Variants in EXOC4 observed in about 807,000 individuals in gnomAD.
The protein encoded by EXOC4 is exocyst complex component 4.
Under a neutral mutation model 107.2 loss-of-function variants are expected in EXOC4, and 71 were observed. That is an observed-to-expected ratio of 0.66 (90% CI 0.55 to 0.81). The LOEUF is 0.81. EXOC4 is among the 30% of genes least tolerant of loss of function. The pLI is 0.00. For synonymous variants in EXOC4, 456 were observed against 441.2 expected (o/e 1.03, Z -0.42); for missense variants, 1,108 against 1,189.6 (o/e 0.93, Z 1.01).
rs1794901090 is a variant in EXOC4 at position 133,312,676 on chromosome 7, T to TG, written c.657-4602dup. ...CGTGCCATTTTTGTGTTGTGTGACG[T>TG]GGGGGGTGGATGGACAGACACTCAT... On this transcript the variant is annotated intron_variant, in intron 4 of 17. Transcript: ENST00000253861. Among the ~76,000 whole-genome samples, 4 of 151,996 alleles carry TG rather than the reference T, an allele frequency of 2.6e-5. No individual in the cohort carries two copies. In the South Asian group the frequency reaches 8.3e-4, roughly 32 times the overall value.
chr7:134,094,363 G>A, the EXOC4 span, among the ~76,000 whole-genome samples: 1 of 152,122 alleles, frequency 6.6e-6, no homozygotes, highest in Non-Finnish European at 1.5e-5. Context: ...ACTGAATCAG[G>A]AAGAAATTGA....
At chr7:134,069,212 T>TCC (rs1796232333), downstream of EXOC4, among the ~76,000 whole-genome samples, 1 of 108,914 alleles carries the variant, frequency 9.2e-6, no homozygotes, top group Non-Finnish European at 1.8e-5. Context: ...CCAGTTCTTC[T>TCC]TCTTCTTCTC....
intron 17 of EXOC4, among the ~76,000 whole-genome samples, chr7:134,025,318 A>AT (rs2116445991): frequency 6.6e-6 from 1 of 152,226 alleles, no homozygotes; most frequent in Non-Finnish European, 1.5e-5. Flanking sequence ...AAGAGTTTTT[A>AT]TTTTTTAAAG....
In EXOC4 at chr7:134,065,470, G is replaced by T. The variant is rs1796160273; in HGVS notation, c.*942G>T. On this transcript the variant is annotated 3_prime_UTR_variant, in exon 18 of 18. Transcript: ENST00000253861. ...CTCCAGCTGAGCCTGTCTCTGAATT[G>T]TTCCCTCCCCCGCAATGTGGGCACT... is the stretch of plus-strand genomic sequence containing the variant. 6.6e-6 allele frequency: 1 copy of T among 152,254 alleles called. No individual in the cohort carries two copies. Among genetic ancestry groups the T allele is most frequent in the Non-Finnish European group, 1.5e-5 (1 of 68,144 alleles). 9.4% of individuals were successfully genotyped at this position (152,254 alleles called of 1,614,324 possible).
At chr7:133,387,886 A>T (rs920669183) in intron 7 of EXOC4, among the ~76,000 whole-genome samples, 2 of 152,078 alleles carry the variant, frequency 1.3e-5, no homozygotes, top group Non-Finnish European at 2.9e-5. Flanking sequence ...TTCATGGGCA[A>T]AGGGGGACTT....
chr7:133,359,879 G>T (rs1796101003), intron 6 of EXOC4, among the ~76,000 whole-genome samples: 1 of 152,096 alleles, frequency 6.6e-6, no homozygotes, highest in Admixed American at 6.5e-5. Context: ...TTTTGTTTTT[G>T]ATCTCCCAAA....
rs1239273485 is a variant in EXOC4 at position 133,368,788 on chromosome 7, A to G, written c.1008-6040A>G. The stretch of plus-strand genomic sequence containing the variant: ...TGTGGCTTTAGAAATAACTTGTGAG[A>G]GAGGGGTATGTGTGTTATTTTTTTC... On this transcript the variant is annotated intron_variant, in intron 6 of 17. Transcript: ENST00000253861. Among the ~76,000 whole-genome samples, 23 of 152,132 alleles carry G rather than the reference A, an allele frequency of 1.5e-4. 1 individual carries two copies.
intron 9 of EXOC4, among the ~76,000 whole-genome samples, chr7:133,482,476 G>A (rs1397969729): frequency 1.3e-5 from 2 of 152,160 alleles, no homozygotes; most frequent in African/African-American, 4.8e-5. Context: ...TGAGAATGGA[G>A]AGCACTCTGC....
At chr7:133,312,649 T>C (rs1233026881) in intron 4 of EXOC4, among the ~76,000 whole-genome samples, 1 of 152,068 alleles carries the variant, frequency 6.6e-6, no homozygotes, top group African/African-American at 2.4e-5. Context: ...AAAAGGAGCA[T>C]GCGTGCCATT....
chr7:133,614,786 T>C (rs1802150037), intron 9 of EXOC4, among the ~76,000 whole-genome samples: 1 of 62,016 alleles, frequency 1.6e-5, no homozygotes, highest in Non-Finnish European at 2.7e-5. Context: ...ATTGTACATA[T>C]GGCAAAAAAA....
intron 17 of EXOC4, among the ~76,000 whole-genome samples, chr7:134,019,338 A>G (rs1356265907): frequency 2.6e-5 from 4 of 152,134 alleles, no homozygotes; most frequent in African/African-American, 9.7e-5. Flanking sequence ...TTTCTCTAAA[A>G]CAAGGAAAGC....
intron 10 of EXOC4, among the ~76,000 whole-genome samples, chr7:133,790,807 C>T (rs1219082392): frequency 2.0e-5 from 3 of 152,136 alleles, no homozygotes; most frequent in Admixed American, 6.5e-5. Flanking sequence ...ACCTGCTTGT[C>T]AAATAAACAG....
chr7:133,909,584 G>A (rs959732197), intron 12 of EXOC4, among the ~76,000 whole-genome samples: 4 of 152,116 alleles, frequency 2.6e-5, no homozygotes, highest in Admixed American at 6.5e-5. Flanking sequence ...TAGAGGGGTC[G>A]GATCATTTGG....
intron 17 of EXOC4, among the ~76,000 whole-genome samples, chr7:134,058,391 G>A (rs1795979237): frequency 6.6e-6 from 1 of 152,140 alleles, no homozygotes; most frequent in Non-Finnish European, 1.5e-5. Context: ...AAAAAGTACT[G>A]AATCAGAGGG....
chr7:134,098,018 C>T, the EXOC4 span, among the ~76,000 whole-genome samples: 2 of 152,284 alleles, frequency 1.3e-5, no homozygotes, highest in South Asian at 4.1e-4. Context: ...GGACCTGGCA[C>T]ACACACATCC....
At chr7:133,725,880 A>T (rs1397390995) in intron 10 of EXOC4, among the ~76,000 whole-genome samples, 1 of 152,188 alleles carries the variant, frequency 6.6e-6, no homozygotes, top group Non-Finnish European at 1.5e-5. Context: ...GACAGGATTT[A>T]TTGGTGGATT....
In EXOC4 at chr7:133,890,289, ATTTG is replaced by A. The variant is rs1466794305; in HGVS notation, c.1735-5305_1735-5302del. Among the ~76,000 whole-genome samples the A allele has an allele frequency of 4.0e-5, 3 of 74,340 alleles. No individual in the cohort carries two copies. In the East Asian group the frequency reaches 9.1e-4, roughly 23 times the overall value. 48.8% of individuals were successfully genotyped at this position (74,340 alleles called of 152,430 possible). On this transcript the variant is annotated intron_variant, in intron 11 of 17. Coordinates refer to ENST00000253861, the MANE Select transcript of EXOC4 (RefSeq NM_021807.4). The stretch of plus-strand genomic sequence containing the variant: ...AGGGTTGTTTGTTTTTTTCTTGTAA[ATTTG>A]TTTGAGTTCATTGTAGATTCTGGAT...
intron 10 of EXOC4, among the ~76,000 whole-genome samples, chr7:133,742,018 T>C (rs1795575320): frequency 6.6e-6 from 1 of 152,218 alleles, no homozygotes; most frequent in Non-Finnish European, 1.5e-5. Flanking sequence ...TGTCACGTTG[T>C]AGTGAATGTG....
chr7:133,613,986 T>G (rs1298974307), intron 9 of EXOC4, among the ~76,000 whole-genome samples: 1 of 152,120 alleles, frequency 6.6e-6, no homozygotes, highest in East Asian at 1.9e-4. Context: ...TTTGATAATT[T>G]TAGAAAGAAG....
Sources: allele counts gnomAD v4.1 joint callset (sites outside exome capture counted in the v4.1 genomes callset), GRCh38; gene constraint gnomAD v4.1.1; transcripts MANE v1.5; gene names NCBI Gene and HGNC (gene_info 2026-07-23, HGNC 2026-07-21).